Variants in ADAMTS20 observed in about 807,000 individuals in gnomAD.
ADAMTS20 encodes the protein ADAM metallopeptidase with thrombospondin type 1 motif 20.
Under a neutral mutation model 260.1 loss-of-function variants are expected in ADAMTS20, and 225 were observed. The observed-to-expected ratio is 0.87, with a 90% CI of 0.78 to 0.97. ADAMTS20 has a LOEUF of 0.97. Among genes scored for constraint, ADAMTS20 ranks in the 50% least tolerant of loss-of-function variants. ADAMTS20 has a pLI of 0.00. For missense variants in ADAMTS20, 2,400 were observed against 2,337.7 expected (o/e 1.03, Z -0.55); for synonymous variants, 802 against 769.5 (o/e 1.04, Z -0.70).
intron 12 of ADAMTS20, among the ~76,000 whole-genome samples, chr12:43,453,147 T>C (rs1160537164): frequency 6.6e-6 from 1 of 152,198 alleles, no homozygotes; most frequent in African/African-American, 2.4e-5. Flanking sequence ...TCTATATCCA[T>C]GTTATTTTGA....
intron 35 of ADAMTS20, among the ~76,000 whole-genome samples, chr12:43,375,731 T>C (rs988955319): frequency 2.6e-5 from 4 of 152,230 alleles, no homozygotes; most frequent in African/African-American, 9.6e-5. Context: ...ACTGCATTCT[T>C]CTAGCTTTGA....
chr12:43,383,599 G>A lies in ADAMTS20; in HGVS notation c.4756C>T (p.Pro1586Ser). ...GTTACCACAATGTAATTGCAAGGAG[G>A]GTTCCTGCAATTCTTGGATGTAAGA... ...ISLTSKNCRN[P>S]PCNYIVVTAD... The change falls in exon 31 of 39, where the codon CCT becomes TCT. Residue 1586 changes from proline (P) to serine (S), a missense_variant. By Grantham distance (74) the Pro-to-Ser change is moderately conservative. Coordinates refer to ENST00000389420, the MANE Select transcript of ADAMTS20 (RefSeq NM_025003.5). 5.0e-6 allele frequency: 8 copies of A among 1,613,424 alleles called. No individual in the cohort carries two copies. Among genetic ancestry groups the A allele is most frequent in the Non-Finnish European group, 6.8e-6 (8 of 1,179,672 alleles).
At chr12:43,549,248 A>C (rs1943480806) in intron 2 of ADAMTS20, among the ~76,000 whole-genome samples, 1 of 151,802 alleles carries the variant, frequency 6.6e-6, no homozygotes. Flanking sequence ...TAACATTATA[A>C]AAATATTAAT....
At chr12:43,466,628 A>G in intron 9 of ADAMTS20, 24 bp downstream of exon 9, 1 of 1,587,576 alleles carries the variant, frequency 6.3e-7, no homozygotes, top group Non-Finnish European at 8.6e-7. Context: ...TACATGTTCA[A>G]TTATTTAACA....
chr12:43,375,993 T>C (rs1940217226), intron 35 of ADAMTS20, 64 bp downstream of exon 35: 13 of 1,226,072 alleles, frequency 1.1e-5, no homozygotes, highest in Non-Finnish European at 1.5e-5. Context: ...CTCTGAGGGC[T>C]AGAAGTTCCA....
chr12:43,377,715 C>T (rs1940261127), intron 31 of ADAMTS20, among the ~76,000 whole-genome samples, 153 bp from the exon 32 acceptor site: 2 of 152,094 alleles, frequency 1.3e-5, no homozygotes, highest in South Asian at 2.1e-4. Context: ...TAGGTTCAGA[C>T]ATTAGACAAG....
At chr12:43,425,485 C>A in intron 28 of ADAMTS20, 29 bp downstream of exon 28, 1 of 1,439,152 alleles carries the variant, frequency 6.9e-7, no homozygotes, top group Non-Finnish European at 9.2e-7. Context: ...TAAAGTATGA[C>A]ATGTTAACAG....
At chr12:43,379,601 G>T (rs909632964) in intron 31 of ADAMTS20, among the ~76,000 whole-genome samples, 1 of 152,146 alleles carries the variant, frequency 6.6e-6, no homozygotes, top group Non-Finnish European at 1.5e-5. Context: ...AAAGGCTAGG[G>T]AACCAAAATT....
intron 2 of ADAMTS20, among the ~76,000 whole-genome samples, chr12:43,540,911 A>G (rs1442218030): frequency 1.3e-5 from 2 of 152,184 alleles, no homozygotes; most frequent in African/African-American, 4.8e-5. Flanking sequence ...ATAGGCCAAA[A>G]TTTTTATATG....
chr12:43,438,391 C>T (rs1447295781), intron 18 of ADAMTS20, among the ~76,000 whole-genome samples: 1 of 152,182 alleles, frequency 6.6e-6, no homozygotes, highest in Non-Finnish European at 1.5e-5. Context: ...ATATTCAGGA[C>T]CTTTCTGTCA....
intron 28 of ADAMTS20, among the ~76,000 whole-genome samples, chr12:43,410,360 C>T (rs1941008607): frequency 6.6e-6 from 1 of 152,088 alleles, no homozygotes; most frequent in African/African-American, 2.4e-5. Context: ...GGAGATTTTA[C>T]ATAGCTGTTC....
At chr12:43,529,230 G>A (rs1267774161) in intron 3 of ADAMTS20, among the ~76,000 whole-genome samples, 1 of 152,122 alleles carries the variant, frequency 6.6e-6, no homozygotes, top group Non-Finnish European at 1.5e-5. Context: ...AACCTCCATG[G>A]AAACCTGTAT....
At chr12:43,403,347 T>A (rs1453810390) in intron 28 of ADAMTS20, among the ~76,000 whole-genome samples, 1 of 152,080 alleles carries the variant, frequency 6.6e-6, no homozygotes, top group Non-Finnish European at 1.5e-5. Flanking sequence ...AATAAGGAAA[T>A]AAAATTCATT....
chr12:43,485,805 T>C (rs1419733100), intron 7 of ADAMTS20, among the ~76,000 whole-genome samples: 2 of 152,068 alleles, frequency 1.3e-5, no homozygotes. Context: ...AATCAAGAAC[T>C]CAATCCCTTT....
intron 28 of ADAMTS20, among the ~76,000 whole-genome samples, chr12:43,406,165 T>C (rs1287135342): frequency 3.9e-5 from 6 of 152,002 alleles, no homozygotes. Context: ...AACATCCACA[T>C]ATTATAATAG....
At chr12:43,381,923 T>C (rs1940363118) in intron 31 of ADAMTS20, among the ~76,000 whole-genome samples, 1 of 151,512 alleles carries the variant, frequency 6.6e-6, no homozygotes, top group South Asian at 2.1e-4. Flanking sequence ...ATAAAATAGA[T>C]ACCATTTCAT....
At chr12:43,531,688 A>G (rs1365406053) in intron 3 of ADAMTS20, among the ~76,000 whole-genome samples, 1 of 152,100 alleles carries the variant, frequency 6.6e-6, no homozygotes, top group Non-Finnish European at 1.5e-5. Context: ...AGTTACATAC[A>G]AGGAATAGGC....
intron 7 of ADAMTS20, among the ~76,000 whole-genome samples, chr12:43,488,829 A>G (rs926181329): frequency 6.6e-6 from 1 of 152,160 alleles, no homozygotes; most frequent in Non-Finnish European, 1.5e-5. Context: ...TAGCAATACT[A>G]TGAAATCTCC....
chr12:43,465,151 T>C (rs975757605), intron 9 of ADAMTS20, among the ~76,000 whole-genome samples: 4 of 152,070 alleles, frequency 2.6e-5, no homozygotes, highest in Admixed American at 6.6e-5. Context: ...TGAGAAAGTA[T>C]ATTTCTAGTC....
Sources: allele counts gnomAD v4.1 joint callset (sites outside exome capture counted in the v4.1 genomes callset), GRCh38; gene constraint gnomAD v4.1.1; transcripts MANE v1.5; gene names NCBI Gene and HGNC (gene_info 2026-07-23, HGNC 2026-07-21).